NECAB3: variants seen among roughly 807,000 people sequenced by gnomAD.
The protein encoded by NECAB3 is N-terminal EF-hand calcium-binding protein 3.
A neutral mutation model predicts 57.2 loss-of-function variants in NECAB3; 38 were observed. That is an observed-to-expected ratio of 0.66 (90% CI 0.51 to 0.87). NECAB3 has a LOEUF of 0.87. Ranked by LOEUF, NECAB3 falls within the 40% of genes least tolerant of loss-of-function variation. The pLI is 0.00. For synonymous variants in NECAB3, 223 were observed against 222.6 expected, an observed-to-expected ratio of 1.00 and a Z score of -0.02; for missense variants, 474 against 527.5, an observed-to-expected ratio of 0.90 and a Z score of 0.99.
At chr20:33,673,907 C>T (rs919013882) in intron 1 of NECAB3, among the ~76,000 whole-genome samples, 3 of 152,112 alleles carry the variant, frequency 2.0e-5, no homozygotes, top group African/African-American at 7.2e-5. Context: ...CTTCCCCAGT[C>T]AGCCCAGCCT....
intron 5 of NECAB3, chr20:33,665,408 T>A (rs932181716): frequency 6.6e-6 from 1 of 152,182 alleles, no homozygotes; most frequent in Non-Finnish European, 1.5e-5. Context: ...GAGGCAGAGG[T>A]TGCAGTGAGC....
rs201272547 is a variant in NECAB3 at position 33,660,286 on chromosome 20, G to A, written c.497C>T (p.Thr166Ile). Residue 166 changes from threonine to isoleucine, a missense_variant, in exon 6 of 12, where the codon ACC becomes ATC. Physicochemically the swap from Thr to Ile is moderately conservative, Grantham distance 89. Coordinates refer to ENST00000246190, the MANE Select transcript of NECAB3 (RefSeq NM_031232.4). This position sits in a 1 kb window ranked among gnomAD's most constrained non-coding sequence, Gnocchi z 4.1. ...CCAGCCATGGGCCTGGGCCTCCAGG[G>A]TATCTGACGCCCCCTCCAGCGAGCT... ...LQSSLEGASDTLEAQAHGWRS... is the reference protein window; with the variant it reads ...LQSSLEGASDILEAQAHGWRS... The A allele has an allele frequency of 1.1e-4, 174 of 1,613,190 alleles. No homozygotes were observed. The highest frequency in any genetic ancestry group is 3.3e-4 in the Middle Eastern group (2 of 6,062).
chr20:33,674,872 GGC>G (rs928466606), upstream of NECAB3: 4 of 152,240 alleles, frequency 2.6e-5, no homozygotes, highest in African/African-American at 7.2e-5. Flanking sequence ...CGCCCTCTCT[GGC>G]ACTAAGCGCA....
intron 3 of NECAB3, 153 bp downstream of exon 3, chr20:33,670,531 G>T: frequency 1.8e-6 from 1 of 555,758 alleles, no homozygotes. Context: ...CTGGAGAGGG[G>T]GTAGGCAGGC....
chr20:33,674,126 G>A (rs1421708088), intron 1 of NECAB3, 98 bp downstream of exon 1: 10 of 1,167,128 alleles, frequency 8.6e-6, no homozygotes, highest in Admixed American at 4.2e-5. Context: ...GAGGGGAAGA[G>A]ACCCAGAAAC....
chr20:33,660,158 G>A lies in NECAB3; in HGVS notation c.524+101C>T, dbSNP rs534034016. The stretch of plus-strand genomic sequence containing the variant: ...CTACCCTGCCATGGCTTCCCCGCCC[G>A]AAAATGCAGGCTCCAGGATGCTGGG... On this transcript the variant is annotated intron_variant, in intron 6 of 11. Coordinates refer to ENST00000246190, the MANE Select transcript of NECAB3 (RefSeq NM_031232.4). The surrounding 1 kb of genome is among the most constrained non-coding windows in gnomAD (Gnocchi z 4.1). The A allele has an allele frequency of 1.1e-4, 166 of 1,538,548 alleles. No homozygotes were observed. In the East Asian group the frequency reaches 2.5e-3, roughly 24 times the overall value.
chr20:33,657,800 C>T lies in NECAB3; in HGVS notation c.*29G>A. 2 of 1,512,616 alleles carry T rather than the reference C, an allele frequency of 1.3e-6. No homozygotes were observed. Among genetic ancestry groups the T allele is most frequent in the East Asian group, 2.5e-5 (1 of 40,610 alleles). The allele number at this position is 1,512,616 out of a possible 1,614,324, so 93.7% of individuals were successfully genotyped here. A position where few individuals can be genotyped will look rare whatever the true frequency, so the allele number is the denominator to read the frequency against. On this transcript the variant is annotated 3_prime_UTR_variant, in exon 12 of 12. Transcript: ENST00000246190. ...GCTCCAGAGGGAGGCAGGCAGGGTC[C>T]CGGGGCCCTCGGCGTGTGCAGGTCT...
chr20:33,661,692 C>T (rs1168994492), intron 5 of NECAB3, among the ~76,000 whole-genome samples: 1 of 152,196 alleles, frequency 6.6e-6, no homozygotes, highest in Admixed American at 6.5e-5. Context: ...ACTGTATCAC[C>T]CAGGCTGGAG....
At chr20:33,658,672 C>T in intron 9 of NECAB3, 50 bp downstream of exon 9, 2 of 1,601,362 alleles carry the variant, frequency 1.2e-6, no homozygotes, top group Non-Finnish European at 1.7e-6. Flanking sequence ...GCACCCCTCT[C>T]TGCTCACCCC....
rs2017445322 is a variant in NECAB3 at position 33,660,710 on chromosome 20, G to C, written c.388-315C>G. Among the ~76,000 whole-genome samples, 1 of 152,210 alleles carries C rather than the reference G, an allele frequency of 6.6e-6. No homozygotes were observed. The highest frequency in any genetic ancestry group is 1.5e-5 in the Non-Finnish European group (1 of 68,024). On this transcript the variant is annotated intron_variant, in intron 5 of 11. Coordinates refer to ENST00000246190, the MANE Select transcript of NECAB3 (RefSeq NM_031232.4). This position sits in a 1 kb window ranked among gnomAD's most constrained non-coding sequence, Gnocchi z 4.1. ...ACCACCTTCAGCACTGTCATAGCCA[G>C]TGAGTCCCAGCCACAGCTAGGCTGG...
intron 5 of NECAB3, chr20:33,668,334 G>A (rs2017746347): frequency 6.7e-7 from 1 of 1,495,350 alleles, no homozygotes; most frequent in African/African-American, 1.4e-5. Flanking sequence ...GGAGGTTGGA[G>A]CTGACTGGAT....
intron 2 of NECAB3, among the ~76,000 whole-genome samples, chr20:33,671,188 G>A (rs1004508010): frequency 6.6e-6 from 1 of 152,180 alleles, no homozygotes; most frequent in Non-Finnish European, 1.5e-5. Flanking sequence ...TCCATTCTCT[G>A]GACCCAGGAC....
chr20:33,662,280 GCCAGGGC>G, intron 5 of NECAB3: 2 of 1,532,906 alleles, frequency 1.3e-6, no homozygotes, highest in Non-Finnish European at 1.8e-6. Context: ...TCACAATGTT[GCCAGGGC>G]CCAGGGGGCA....
At chr20:33,664,087 C>G (rs1015205504) in intron 5 of NECAB3, 6 of 481,716 alleles carry the variant, frequency 1.2e-5, no homozygotes, top group African/African-American at 2.0e-5. Flanking sequence ...AGAACAGAAC[C>G]CCAAACCTTG....
rs2017435758 is a variant in NECAB3 at position 33,660,455 on chromosome 20, G to A, written c.388-60C>T. The A allele has an allele frequency of 1.9e-6, 3 of 1,588,076 alleles. No individual in the cohort carries two copies. Among genetic ancestry groups the A allele is most frequent in the Non-Finnish European group, 1.7e-6 (2 of 1,163,516 alleles). ...GCCCGGGCACTGATCTCTTGAGTGG[G>A]TCCCCTGCCTCTTGCCCATCAGAGC... On this transcript the variant is annotated intron_variant, in intron 5 of 11. Transcript: ENST00000246190. The surrounding 1 kb of genome is among the most constrained non-coding windows in gnomAD (Gnocchi z 4.1).
chr20:33,657,630 A>G lies in NECAB3; in HGVS notation c.*199T>C. On this transcript the variant is annotated 3_prime_UTR_variant, in exon 12 of 12. Transcript: ENST00000246190. ...TAGCTTGGAGGCTGAAGTGACAAAC[A>G]ATAAAATACAGGGATAAATAAATCA... 1.9e-6 allele frequency: 1 copy of G among 536,988 alleles called. No homozygotes were observed. The highest frequency in any genetic ancestry group is 4.0e-5 in the South Asian group (1 of 24,776). 33.3% of individuals were successfully genotyped at this position (536,988 alleles called of 1,614,324 possible). A position where few individuals can be genotyped will look rare whatever the true frequency, so the allele number is the denominator to read the frequency against.
At chr20:33,665,536 T>C (rs2017620793) in intron 5 of NECAB3, 1 of 152,244 alleles carries the variant, frequency 6.6e-6, no homozygotes, top group Non-Finnish European at 1.5e-5. Flanking sequence ...CAGATTCTGT[T>C]CCTGAAACCT....
At chr20:33,669,844 T>A in intron 3 of NECAB3, 132 bp from the exon 4 acceptor site, 2 of 958,406 alleles carry the variant, frequency 2.1e-6, no homozygotes, top group South Asian at 3.4e-5. Flanking sequence ...CACCCCAGAT[T>A]AAGTTGCTCC....
rs1123311 is a variant in NECAB3, at chr20:33,662,566, C to G, written c.388-2171G>C. 1,804 of 1,388,684 alleles carry G rather than the reference C, an allele frequency of 1.3e-3. 18 individuals carry two copies. The African/African-American group carries it at 0.023, about 18-fold the overall frequency. 86.0% of individuals were successfully genotyped at this position (1,388,684 alleles called of 1,614,324 possible). A position where few individuals can be genotyped will look rare whatever the true frequency, so the allele number is the denominator to read the frequency against. On this transcript the variant is annotated intron_variant, in intron 5 of 11. Coordinates refer to ENST00000246190, the MANE Select transcript of NECAB3 (RefSeq NM_031232.4). ...GGGAAGGGATGCTGGGAGTCTAGGCCTTGTATGCAGAAGTCCTAGGGGGTG... is the reference window on the plus strand; with the variant it reads ...GGGAAGGGATGCTGGGAGTCTAGGCGTTGTATGCAGAAGTCCTAGGGGGTG...
Sources: allele counts gnomAD v4.1 joint callset (sites outside exome capture counted in the v4.1 genomes callset), GRCh38; gene constraint gnomAD v4.1.1; non-coding constraint Gnocchi (gnomAD v3.1); transcripts MANE v1.5; gene names NCBI Gene and HGNC (gene_info 2026-07-23, HGNC 2026-07-21).